The following CCDC149 variants were observed in gnomAD, a reference collection of about 807,000 sequenced individuals.
The protein encoded by CCDC149 is coiled-coil domain-containing protein 149.
Under a neutral mutation model 59.9 loss-of-function variants are expected in CCDC149, and 45 were observed. That is an observed-to-expected ratio of 0.75 (90% CI 0.59 to 0.96). The LOEUF (loss-of-function observed/expected upper bound fraction) is 0.96, where lower values mean the gene tolerates loss of function less well. Ranked by LOEUF, CCDC149 falls within the 40% of genes least tolerant of loss-of-function variation. CCDC149 has a pLI of 0.00. For missense variants in CCDC149, 584 were observed against 664.7 expected, an observed-to-expected ratio of 0.88 and a Z score of 1.33; for synonymous variants, 245 against 260.6, an observed-to-expected ratio of 0.94 and a Z score of 0.58.
chr4:24,884,960 C>T (rs936024963), intron 1 of CCDC149, among the ~76,000 whole-genome samples: 8 of 152,044 alleles, frequency 5.3e-5, no homozygotes, highest in South Asian at 2.1e-4. Context: ...TGGGGATAGA[C>T]GGAGCTGTGA....
chr4:24,819,711 C>A lies in CCDC149; in HGVS notation c.1192+148G>T, dbSNP rs1577379675. The A allele has an allele frequency of 1.4e-5, 10 of 700,528 alleles. No homozygotes were observed. In the East Asian group the frequency reaches 1.6e-4, roughly 11 times the overall value. The allele number at this position is 700,528 out of a possible 1,614,324, so 43.4% of individuals were successfully genotyped here. On this transcript the variant is annotated intron_variant, in intron 12 of 12. Transcript: ENST00000635206. ...AAAACCTCCCAACAAGATGAACCCA[C>A]ATAAGCAACAAGAGGAAATCTGAGG...
At chr4:24,885,629 A>C (rs1009774825) in intron 1 of CCDC149, among the ~76,000 whole-genome samples, 2 of 152,208 alleles carry the variant, frequency 1.3e-5, no homozygotes, top group African/African-American at 4.8e-5. Flanking sequence ...CAAGTTGAGC[A>C]AGGAAAAACA....
At chr4:24,863,852 G>C (rs1055278628) in intron 3 of CCDC149, among the ~76,000 whole-genome samples, 7 of 152,230 alleles carry the variant, frequency 4.6e-5, no homozygotes, top group Non-Finnish European at 7.3e-5. Flanking sequence ...TAGCAAATCA[G>C]GTATCAGTTT....
intron 1 of CCDC149, among the ~76,000 whole-genome samples, chr4:24,979,036 C>A (rs546547252): frequency 6.4e-4 from 98 of 152,242 alleles, no homozygotes; most frequent in African/African-American, 2.2e-3. Flanking sequence ...GCAGGGAACA[C>A]TTTGAGAGAG....
chr4:24,925,742 T>C (rs1722419350), intron 1 of CCDC149, among the ~76,000 whole-genome samples: 1 of 152,214 alleles, frequency 6.6e-6, no homozygotes. Context: ...TTCTCTGAAG[T>C]AGCATGTAAG....
chr4:24,892,857 C>T (rs866168645), intron 1 of CCDC149, among the ~76,000 whole-genome samples: 1 of 152,144 alleles, frequency 6.6e-6, no homozygotes, highest in African/African-American at 2.4e-5. Flanking sequence ...TTATTTCTCA[C>T]AGTTCTGTAG....
At chr4:24,856,977 A>C (rs1400014964) in intron 3 of CCDC149, among the ~76,000 whole-genome samples, 1 of 152,236 alleles carries the variant, frequency 6.6e-6, no homozygotes, top group Non-Finnish European at 1.5e-5. Flanking sequence ...ATTCAGGTGA[A>C]TCTCAGCATC....
intron 1 of CCDC149, among the ~76,000 whole-genome samples, chr4:24,945,447 T>C (rs937220684): frequency 1.3e-5 from 2 of 151,894 alleles, no homozygotes; most frequent in African/African-American, 2.4e-5. Context: ...AACCAATGAA[T>C]TGCTAGCAAC....
At chr4:24,930,477 T>C (rs981587748) in intron 1 of CCDC149, among the ~76,000 whole-genome samples, 1 of 152,210 alleles carries the variant, frequency 6.6e-6, no homozygotes, top group African/African-American at 2.4e-5. Flanking sequence ...GTGTAATAAA[T>C]AGGCTTTACT....
upstream of CCDC149, among the ~76,000 whole-genome samples, chr4:24,913,447 C>G (rs922318749): frequency 6.6e-6 from 1 of 152,178 alleles, no homozygotes; most frequent in Admixed American, 6.5e-5. Flanking sequence ...ATTTGTTGAA[C>G]GCAAGAATGA....
chr4:24,862,540 A>T (rs1718447627), intron 3 of CCDC149, among the ~76,000 whole-genome samples: 1 of 152,174 alleles, frequency 6.6e-6, no homozygotes, highest in South Asian at 2.1e-4. Flanking sequence ...CGCTGAATAT[A>T]CTTACATGAT....
intron 4 of CCDC149, among the ~76,000 whole-genome samples, chr4:24,840,749 G>A (rs1277415055): frequency 1.3e-5 from 2 of 152,172 alleles, no homozygotes; most frequent in Admixed American, 1.3e-4. Context: ...CAATATGAGT[G>A]TTAGAGAAAC....
At chr4:24,871,343 T>A (rs1214147424) in intron 3 of CCDC149, among the ~76,000 whole-genome samples, 2 of 152,152 alleles carry the variant, frequency 1.3e-5, no homozygotes, top group Non-Finnish European at 2.9e-5. Context: ...TGGTACAGCA[T>A]CAATGAGCAC....
Position 24,912,939 on chromosome 4 carries a change from C to T in CCDC149, c.-60G>A, listed in dbSNP as rs1721984243. 3 of 1,055,212 alleles carry T rather than the reference C, an allele frequency of 2.8e-6. No individual in the cohort carries two copies. Among genetic ancestry groups the T allele is most frequent in the African/African-American group, 1.7e-5 (1 of 58,438 alleles). 65.4% of individuals were successfully genotyped at this position (1,055,212 alleles called of 1,614,324 possible). A position where few individuals can be genotyped will look rare whatever the true frequency, so the allele number is the denominator to read the frequency against. ...TCCTCCTCGCGACGTCGCGTCGCCG[C>T]CGCCGCCCGGGCCCCGCGCGGCCCC... On this transcript the variant is annotated 5_prime_UTR_variant, in exon 1 of 13. Coordinates refer to ENST00000635206, the MANE Select transcript of CCDC149 (RefSeq NM_001330643.2).
Position 24,843,914 on chromosome 4 carries a change from C to T in CCDC149, c.373-5642G>A, listed in dbSNP as rs75573314. Reference sequence around the variant, plus strand: ...CCCTATGTCTGTGCTCCAGCCATGCCGGCTTCCCTCCCTTGTCCGAAACAT... The same window carrying T: ...CCCTATGTCTGTGCTCCAGCCATGCTGGCTTCCCTCCCTTGTCCGAAACAT... On this transcript the variant is annotated intron_variant, in intron 4 of 12. Coordinates refer to ENST00000635206, the MANE Select transcript of CCDC149 (RefSeq NM_001330643.2). Among the ~76,000 whole-genome samples, 260 of 152,224 alleles carry T rather than the reference C, an allele frequency of 1.7e-3. 2 individuals carry two copies. The highest frequency in any genetic ancestry group is 5.9e-3 in the African/African-American group (246 of 41,542).
intron 1 of CCDC149, among the ~76,000 whole-genome samples, chr4:24,945,311 T>A (rs535575866): frequency 1.8e-4 from 27 of 152,192 alleles, no homozygotes; most frequent in Admixed American, 7.8e-4. Flanking sequence ...TGGCCCTAAA[T>A]CCAGTATGAC....
At chr4:24,876,751 T>A in intron 1 of CCDC149, 54 bp from the exon 2 acceptor site, 1 of 1,527,244 alleles carries the variant, frequency 6.5e-7, no homozygotes, top group Non-Finnish European at 8.9e-7. Context: ...GGGCCTCCAT[T>A]AAACACACAC....
chr4:24,810,172 T>A (rs1714503925), intron 12 of CCDC149, among the ~76,000 whole-genome samples: 1 of 152,226 alleles, frequency 6.6e-6, no homozygotes. Context: ...TTTTCCACAC[T>A]AGGCACTGCA....
chr4:24,935,412 C>A (rs1052897356), intron 1 of CCDC149, among the ~76,000 whole-genome samples: 6 of 152,084 alleles, frequency 3.9e-5, no homozygotes, highest in African/African-American at 1.4e-4. Context: ...GATTTTAGTT[C>A]GGCAGTATAC....
Sources: gnomAD v4.1 joint callset for allele counts (sites outside exome capture counted in the v4.1 genomes callset) on GRCh38, gnomAD v4.1.1 for gene constraint, MANE v1.5 for transcripts, NCBI Gene and HGNC (gene_info 2026-07-23, HGNC 2026-07-21) for gene names.